TTC28: variants seen among roughly 807,000 people sequenced by gnomAD.
The protein encoded by TTC28 is tetratricopeptide repeat protein 28.
TTC28 carries 61 observed loss-of-function variants against 198.0 expected under a neutral mutation model. The observed-to-expected ratio is 0.31, with a 90% confidence interval of 0.25 to 0.38. TTC28 has a LOEUF of 0.38. Among genes scored for constraint, TTC28 ranks in the 10% least tolerant of loss-of-function variants. TTC28 has a pLI of 1.00. For missense variants in TTC28, 2,678 were observed against 3,164.0 expected (o/e 0.85, Z 3.69); for synonymous variants, 1,171 against 1,297.8 (o/e 0.90, Z 2.10).
intron 4 of TTC28, among the ~76,000 whole-genome samples, chr22:28,297,198 C>T (rs1275002206): frequency 2.7e-5 from 4 of 150,886 alleles, no homozygotes; most frequent in Non-Finnish European, 4.4e-5. Flanking sequence ...GAGGCACTCG[C>T]TTTTTTTTTC....
At chr22:28,464,980 G>A (rs1016263356) in intron 2 of TTC28, among the ~76,000 whole-genome samples, 23 of 152,178 alleles carry the variant, frequency 1.5e-4, no homozygotes, top group Non-Finnish European at 2.9e-5. Context: ...CACACCAGAT[G>A]CTTTCCATTT....
chr22:28,379,220 GT>G (rs2046459629), intron 2 of TTC28, among the ~76,000 whole-genome samples: 2 of 152,130 alleles, frequency 1.3e-5, no homozygotes, highest in African/African-American at 4.8e-5. Context: ...CAGTGTGATG[GT>G]TCCTTGAAAA....
At chr22:28,336,366 G>A (rs1039306719) in intron 2 of TTC28, among the ~76,000 whole-genome samples, 2 of 152,212 alleles carry the variant, frequency 1.3e-5, no homozygotes, top group Non-Finnish European at 2.9e-5. Flanking sequence ...ATGAGTTAGG[G>A]AGGATTCCCT....
intron 12 of TTC28, among the ~76,000 whole-genome samples, chr22:28,086,422 A>C (rs1477061639): frequency 6.6e-6 from 1 of 152,224 alleles, no homozygotes; most frequent in South Asian, 2.1e-4. Flanking sequence ...TACTGGGTAC[A>C]TAACAAAATG....
At chr22:27,988,281 CTTTTT>C (rs138641) in intron 21 of TTC28, among the ~76,000 whole-genome samples, 2 of 99,472 alleles carry the variant, frequency 2.0e-5, no homozygotes, top group African/African-American at 4.0e-5. Context: ...AAGAAGCTTG[CTTTTT>C]TTTTTTTTTT....
chr22:28,306,041 T>G (rs970812312), intron 3 of TTC28, among the ~76,000 whole-genome samples: 3 of 152,212 alleles, frequency 2.0e-5, no homozygotes, highest in African/African-American at 7.2e-5. Flanking sequence ...CAATTAGATA[T>G]GTATTTCTTT....
chr22:28,497,724 C>T (rs1223899752), intron 2 of TTC28, among the ~76,000 whole-genome samples: 2 of 152,096 alleles, frequency 1.3e-5, no homozygotes, highest in Admixed American at 6.6e-5. Flanking sequence ...TCTTAAACTT[C>T]AGTAACTAAA....
chr22:28,300,809 T>A (rs939007202), intron 3 of TTC28, among the ~76,000 whole-genome samples: 7 of 152,158 alleles, frequency 4.6e-5, no homozygotes, highest in African/African-American at 1.7e-4. Context: ...ATGACAGGGA[T>A]TGCTGAATAG....
At chr22:28,275,759 GAA>G (rs973659861) in intron 5 of TTC28, among the ~76,000 whole-genome samples, 11 of 151,668 alleles carry the variant, frequency 7.3e-5, no homozygotes, top group African/African-American at 2.7e-4. Flanking sequence ...AAAAGAAAAA[GAA>G]AAAGAGGAAG....
chr22:28,522,056 T>G (rs1393275596), intron 2 of TTC28, among the ~76,000 whole-genome samples: 2 of 152,208 alleles, frequency 1.3e-5, no homozygotes, highest in Non-Finnish European at 2.9e-5. Flanking sequence ...ACAATGTCTA[T>G]ATTTCTGTAA....
intron 2 of TTC28, among the ~76,000 whole-genome samples, chr22:28,408,629 T>A (rs2047035009): frequency 6.6e-6 from 1 of 152,236 alleles, no homozygotes; most frequent in Non-Finnish European, 1.5e-5. Flanking sequence ...GACCTCATGA[T>A]CCACCTGCGT....
chr22:28,121,976 T>C (rs1221146013), intron 6 of TTC28, among the ~76,000 whole-genome samples: 1 of 152,180 alleles, frequency 6.6e-6, no homozygotes, highest in East Asian at 1.9e-4. Context: ...CAAGCGATTC[T>C]CCTGCCTCAG....
intron 2 of TTC28, among the ~76,000 whole-genome samples, chr22:28,556,048 T>C (rs1018665061): frequency 2.0e-5 from 3 of 151,668 alleles, no homozygotes; most frequent in Non-Finnish European, 2.9e-5. Context: ...AGTTTTGGTT[T>C]ATTAAAAAAA....
intron 2 of TTC28, among the ~76,000 whole-genome samples, chr22:28,626,903 T>C (rs2051085155): frequency 1.3e-5 from 2 of 152,022 alleles, no homozygotes; most frequent in Admixed American, 6.6e-5. Flanking sequence ...AAGTACACTT[T>C]TTAAAAGCCA....
intron 2 of TTC28, among the ~76,000 whole-genome samples, chr22:28,366,469 A>G (rs968324904): frequency 6.6e-6 from 1 of 152,058 alleles, no homozygotes; most frequent in Non-Finnish European, 1.5e-5. Context: ...AGCGGTTAGG[A>G]AAAAAAAGAT....
chr22:28,209,021 T>C (rs555591164), intron 5 of TTC28, among the ~76,000 whole-genome samples: 1 of 152,322 alleles, frequency 6.6e-6, no homozygotes, highest in East Asian at 1.9e-4. Flanking sequence ...AGGTTTTTCA[T>C]ACAGCCCTGC....
chr22:28,659,755 C>G (rs2051712846), intron 1 of TTC28, among the ~76,000 whole-genome samples: 2 of 151,876 alleles, frequency 1.3e-5, no homozygotes, highest in African/African-American at 4.8e-5. Flanking sequence ...GGGCCAGACA[C>G]TGTCTCTAAA....
chr22:28,373,819 A>AT (rs134519), intron 2 of TTC28, among the ~76,000 whole-genome samples: 149,079 of 152,240 alleles, frequency 0.98, 72,988 homozygotes, highest in East Asian at 0.99. Context: ...AAAACATAAA[A>AT]AGCAGTTAAG....
intron 17 of TTC28, among the ~76,000 whole-genome samples, chr22:27,994,838 G>A (rs1304727265): frequency 1.3e-5 from 2 of 152,228 alleles, no homozygotes; most frequent in African/African-American, 4.8e-5. Context: ...CAAAAAAGCA[G>A]TGTGTAGTGG....
Sources: allele counts gnomAD v4.1 joint callset (sites outside exome capture counted in the v4.1 genomes callset), GRCh38; gene constraint gnomAD v4.1.1; transcripts MANE v1.5; gene names NCBI Gene and HGNC (gene_info 2026-07-23, HGNC 2026-07-21).